Variants in VKORC1L1 observed in about 807,000 individuals in gnomAD.
The protein encoded by VKORC1L1 is vitamin K epoxide reductase complex subunit 1L1.
VKORC1L1 carries 2 observed loss-of-function variants against 18.9 expected under a neutral mutation model. The ratio of observed to expected loss-of-function variants is 0.11; its 90% CI spans 0.04 to 0.33. The LOEUF (loss-of-function observed/expected upper bound fraction) is 0.33. Among genes scored for constraint, VKORC1L1 ranks in the 10% least tolerant of loss-of-function variants. The pLI, the probability that VKORC1L1 is intolerant of heterozygous loss-of-function variation, is 1.00. For synonymous variants in VKORC1L1, 96 were observed against 100.0 expected (o/e 0.96, Z 0.24); for missense variants, 123 against 224.1 (o/e 0.55, Z 2.88).
At chr7:65,946,988 A>ATAT (rs34270153) in intron 1 of VKORC1L1, among the ~76,000 whole-genome samples, 6 of 151,340 alleles carry the variant, frequency 4.0e-5, no homozygotes, top group Non-Finnish European at 7.4e-5. Context: ...TACCAAAAAA[A>ATAT]AAATATATAT....
intron 1 of VKORC1L1, among the ~76,000 whole-genome samples, chr7:65,892,294 G>A: frequency 6.6e-6 from 1 of 152,172 alleles, no homozygotes; most frequent in East Asian, 1.9e-4. Context: ...TTTCTTTTGG[G>A]TGTATACCCA....
chr7:65,920,433 G>C (rs1789656346), intron 1 of VKORC1L1, among the ~76,000 whole-genome samples: 1 of 152,190 alleles, frequency 6.6e-6, no homozygotes, highest in South Asian at 2.1e-4. Context: ...GGGACTCACT[G>C]CTGAATGATC....
At chr7:65,912,898 A>T (rs1014295326) in intron 1 of VKORC1L1, among the ~76,000 whole-genome samples, 16 of 152,164 alleles carry the variant, frequency 1.1e-4, no homozygotes, top group African/African-American at 3.4e-4. Context: ...TTTCTTTTCC[A>T]TTTCTGTATG....
At position 65,955,356 on chromosome 7, in the gene VKORC1L1, A is replaced by G. The variant is rs1343850683; in HGVS notation, c.*1056A>G. ...GTTCTTGCTAATTGTTTCTTTCTGC[A>G]CTAACCACTCAGATGTCTAATTTAA... On this transcript the variant is annotated 3_prime_UTR_variant, in exon 3 of 3. Coordinates refer to ENST00000360768, the MANE Select transcript of VKORC1L1 (RefSeq NM_173517.6). 1 of 152,234 alleles carries G rather than the reference A, an allele frequency of 6.6e-6. No individual in the cohort carries two copies. The highest frequency in any genetic ancestry group is 1.5e-5 in the Non-Finnish European group (1 of 68,040). 9.4% of individuals were successfully genotyped at this position (152,234 alleles called of 1,614,324 possible).
At position 65,944,052 on chromosome 7, in the gene VKORC1L1, G is replaced by A. The variant is rs571318344; in HGVS notation, c.195-4619G>A. Among the ~76,000 whole-genome samples the A allele has an allele frequency of 1.2e-4, 18 of 152,278 alleles. No homozygotes were observed. In the East Asian group the frequency reaches 3.5e-3, roughly 29 times the overall value. On this transcript the variant is annotated intron_variant, in intron 1 of 2. Transcript: ENST00000360768. ...CCAGCACTTTGGGAGGCTTCAGTGG[G>A]CGGATCACTTGAGGTCTAAAAACTA...
At chr7:65,878,271 C>A (rs1312458951) in intron 1 of VKORC1L1, among the ~76,000 whole-genome samples, 1 of 151,812 alleles carries the variant, frequency 6.6e-6, no homozygotes, top group Non-Finnish European at 1.5e-5. Flanking sequence ...TATGGTGAAA[C>A]CCCTTGTCTA....
chr7:65,896,193 C>G (rs576574161), intron 1 of VKORC1L1, among the ~76,000 whole-genome samples: 21 of 151,714 alleles, frequency 1.4e-4, no homozygotes. Flanking sequence ...TGTGAGCCAC[C>G]GCGCCCAGCC....
At chr7:65,870,232 C>G (rs1439398089), upstream of VKORC1L1, among the ~76,000 whole-genome samples, 1 of 141,162 alleles carries the variant, frequency 7.1e-6, no homozygotes, top group East Asian at 2.1e-4. Context: ...CCAGCCTGAC[C>G]AATATGGTGA....
At chr7:65,932,861 C>G (rs541163229) in intron 1 of VKORC1L1, among the ~76,000 whole-genome samples, 3 of 151,922 alleles carry the variant, frequency 2.0e-5, no homozygotes, top group African/African-American at 7.3e-5. Flanking sequence ...GGGTGGATCA[C>G]GAGGTCAGGA....
intron 1 of VKORC1L1, among the ~76,000 whole-genome samples, chr7:65,895,736 G>A (rs980449871): frequency 1.9e-4 from 29 of 151,382 alleles, no homozygotes; most frequent in African/African-American, 6.3e-4. Context: ...CAGATCACTG[G>A]CACAGAGCTG....
upstream of VKORC1L1, among the ~76,000 whole-genome samples, chr7:65,873,066 G>T (rs1350225238): frequency 7.3e-6 from 1 of 136,420 alleles, no homozygotes; most frequent in East Asian, 2.5e-4. Flanking sequence ...GCAGCGCCAC[G>T]CCGCCTCAGT....
intron 1 of VKORC1L1, among the ~76,000 whole-genome samples, chr7:65,944,811 G>A (rs2115720554): frequency 6.6e-6 from 1 of 151,886 alleles, no homozygotes; most frequent in Non-Finnish European, 1.5e-5. Flanking sequence ...CAGCTATTCG[G>A]GAGGCTGAGG....
chr7:65,873,852 C>A (rs766315196), intron 1 of VKORC1L1, among the ~76,000 whole-genome samples: 40 of 147,062 alleles, frequency 2.7e-4, no homozygotes, highest in Non-Finnish European at 5.4e-4. Context: ...GCGGAGCGGT[C>A]GGGCGGGCTG....
At chr7:65,953,144 C>G (rs1446907950) in intron 2 of VKORC1L1, among the ~76,000 whole-genome samples, 1 of 152,138 alleles carries the variant, frequency 6.6e-6, no homozygotes, top group Non-Finnish European at 1.5e-5. Flanking sequence ...CACATGTCCA[C>G]CATTTTTCTT....
intron 1 of VKORC1L1, among the ~76,000 whole-genome samples, chr7:65,918,129 G>A (rs555410605): frequency 6.6e-6 from 1 of 152,150 alleles, no homozygotes; most frequent in East Asian, 1.9e-4. Context: ...TCCCTACCCC[G>A]CAACCTCCTA....
intron 1 of VKORC1L1, among the ~76,000 whole-genome samples, chr7:65,914,783 T>G (rs75333797): frequency 6.6e-6 from 1 of 152,146 alleles, no homozygotes; most frequent in Admixed American, 6.6e-5. Flanking sequence ...GAGGATAGCT[T>G]GAGACCGACC....
chr7:65,935,188 AAGTT>A (rs1324874930), intron 1 of VKORC1L1, among the ~76,000 whole-genome samples: 1 of 152,020 alleles, frequency 6.6e-6, no homozygotes, highest in African/African-American at 2.4e-5. Context: ...TGCTGGTAGT[AAGTT>A]CTCTTTATTT....
At chr7:65,881,261 G>C (rs546119031) in intron 1 of VKORC1L1, among the ~76,000 whole-genome samples, 3 of 152,228 alleles carry the variant, frequency 2.0e-5, no homozygotes, top group African/African-American at 7.2e-5. Flanking sequence ...AATGTTTTAA[G>C]TTTAAAATAT....
rs1275347035 is a variant in VKORC1L1, at chr7:65,958,103, TG to T, written c.*3806del. The T allele has an allele frequency of 6.6e-6, 1 of 152,332 alleles. No individual in the cohort carries two copies. Among genetic ancestry groups the T allele is most frequent in the East Asian group, 1.9e-4 (1 of 5,178 alleles). 9.4% of individuals were successfully genotyped at this position (152,332 alleles called of 1,614,324 possible). On this transcript the variant is annotated 3_prime_UTR_variant, in exon 3 of 3. Transcript: ENST00000360768. The stretch of plus-strand genomic sequence containing the variant: ...TGTCTTTTTCTCTAACACACAGTCA[TG>T]GGTGAAACATTTCAGACACCTCAGG...
Sources: gnomAD v4.1 joint callset for allele counts (sites outside exome capture counted in the v4.1 genomes callset) on GRCh38, gnomAD v4.1.1 for gene constraint, MANE v1.5 for transcripts, NCBI Gene and HGNC (gene_info 2026-07-23, HGNC 2026-07-21) for gene names.